The following IARS1 variants were observed in gnomAD, a reference collection of about 807,000 sequenced individuals.
IARS1 encodes the protein isoleucine--tRNA ligase, cytoplasmic.
Under a neutral mutation model 168.2 loss-of-function variants are expected in IARS1, and 124 were observed. The ratio of observed to expected loss-of-function variants is 0.74; its 90% CI spans 0.64 to 0.86. IARS1 has a LOEUF of 0.86. IARS1 is among the 40% of genes least tolerant of loss of function. IARS1 has a pLI of 0.00. For synonymous variants in IARS1, 532 were observed against 529.4 expected, an observed-to-expected ratio of 1.00 and a Z score of -0.07; for missense variants, 1,452 against 1,515.8, an observed-to-expected ratio of 0.96 and a Z score of 0.70.
Position 92,253,309 on chromosome 9 carries a change from T to A in IARS1, c.2229+53A>T, listed in dbSNP as rs751671178. ...CTTCTGGCTATTCTCATATTTCTTC[T>A]ACTTTCAAACTTCATACACTTTTTG... On this transcript the variant is annotated intron_variant, in intron 21 of 33. Coordinates refer to ENST00000443024, the MANE Select transcript of IARS1 (RefSeq NM_002161.6). 2.4e-4 allele frequency: 261 copies of A among 1,103,730 alleles called. 1 individual carries two copies. Among genetic ancestry groups the A allele is most frequent in the South Asian group, 1.4e-4 (11 of 80,066 alleles). 68.4% of individuals were successfully genotyped at this position (1,103,730 alleles called of 1,614,324 possible). A position where few individuals can be genotyped will look rare whatever the true frequency, so the allele number is the denominator to read the frequency against.
chr9:92,290,698 A>G (rs908159231), intron 1 of IARS1, among the ~76,000 whole-genome samples: 2 of 152,180 alleles, frequency 1.3e-5, no homozygotes, highest in Non-Finnish European at 2.9e-5. Context: ...GTACATGGCT[A>G]TTATTTAATA....
chr9:92,212,189 A>G (rs936719146), intron 33 of IARS1, among the ~76,000 whole-genome samples: 1 of 152,206 alleles, frequency 6.6e-6, no homozygotes, highest in Non-Finnish European at 1.5e-5. Flanking sequence ...TGGAGCAAGC[A>G]AGAAGACATC....
intron 33 of IARS1, among the ~76,000 whole-genome samples, chr9:92,214,939 A>C (rs954472374): frequency 4.4e-4 from 67 of 152,284 alleles, no homozygotes; most frequent in African/African-American, 1.2e-3. Context: ...GGAGGCCTGC[A>C]TGCCTCTGTA....
At chr9:92,269,701 T>C (rs1253263969) in intron 13 of IARS1, among the ~76,000 whole-genome samples, 184 bp downstream of exon 13, 1 of 152,246 alleles carries the variant, frequency 6.6e-6, no homozygotes, top group Non-Finnish European at 1.5e-5. Flanking sequence ...ACAAGAAGGA[T>C]GTTACTTCTG....
chr9:92,243,661 T>C (rs866127544), intron 27 of IARS1, among the ~76,000 whole-genome samples: 1 of 152,122 alleles, frequency 6.6e-6, no homozygotes, highest in East Asian at 1.9e-4. Flanking sequence ...AGATCAATAA[T>C]CATGAAGCCC....
intron 30 of IARS1, chr9:92,240,223 C>G (rs1828168176): frequency 6.3e-6 from 1 of 159,976 alleles, no homozygotes; most frequent in South Asian, 1.7e-4. Flanking sequence ...CATGCTTCCA[C>G]AAGCATAAGT....
chr9:92,243,019 C>A, intron 28 of IARS1, 197 bp downstream of exon 28: 1 of 489,014 alleles, frequency 2.0e-6, no homozygotes. Context: ...TGGCTGAAAG[C>A]TACGACTTGG....
chr9:92,222,601 C>T lies in IARS1; in HGVS notation c.3625G>A (p.Gly1209Ser), dbSNP rs1839831078. ...ACCTTGGCTGCTTCATACAGAAGACCTTGGTGGGTGAGTCCATTCTGCCCA... is the reference window on the plus strand; with the variant it reads ...ACCTTGGCTGCTTCATACAGAAGACTTTGGTGGGTGAGTCCATTCTGCCCA... ...PLGQNGLTHQ[G>S]LLYEAAKVFG... Residue 1209 changes from glycine to serine, a missense_variant, in exon 33 of 34, where the codon GGT (glycine) becomes AGT (serine). By Grantham distance (56) the Gly-to-Ser change is moderately conservative (BLOSUM62 0). Coordinates refer to ENST00000443024, the MANE Select transcript of IARS1 (RefSeq NM_002161.6). 2.5e-6 allele frequency: 4 copies of T among 1,613,904 alleles called. No homozygotes were observed. Among genetic ancestry groups the T allele is most frequent in the Non-Finnish European group, 3.4e-6 (4 of 1,180,014 alleles).
chr9:92,222,969 CA>C (rs1484444921), intron 32 of IARS1, among the ~76,000 whole-genome samples: 3 of 151,964 alleles, frequency 2.0e-5, no homozygotes, highest in Non-Finnish European at 4.4e-5. Flanking sequence ...CAAATGTGCA[CA>C]ATGAGGATCC....
intron 30 of IARS1, among the ~76,000 whole-genome samples, chr9:92,238,363 T>A (rs1348253847): frequency 6.6e-6 from 1 of 152,214 alleles, no homozygotes; most frequent in Non-Finnish European, 1.5e-5. Flanking sequence ...CATGAATGGC[T>A]TGGTACCCTT....
intron 27 of IARS1, 82 bp from the exon 28 acceptor site, chr9:92,243,393 C>T: frequency 3.3e-6 from 3 of 898,480 alleles, no homozygotes; most frequent in Non-Finnish European, 5.4e-6. Context: ...TTATTTAAAT[C>T]TGGAGAGTCT....
intron 6 of IARS1, among the ~76,000 whole-genome samples, chr9:92,283,944 G>A (rs1282436837): frequency 1.3e-5 from 2 of 152,190 alleles, no homozygotes; most frequent in Admixed American, 1.3e-4. Context: ...ACTTTGGGAG[G>A]CCAAGGCGGG....
At chr9:92,249,829 A>T in intron 25 of IARS1, 29 bp downstream of exon 25, 2 of 1,171,844 alleles carry the variant, frequency 1.7e-6, no homozygotes, top group Non-Finnish European at 2.5e-6. Context: ...GTCTATCTGT[A>T]CCAAAAACAG....
At chr9:92,260,560 C>T (rs1831378114) in intron 17 of IARS1, among the ~76,000 whole-genome samples, 1 of 152,054 alleles carries the variant, frequency 6.6e-6, no homozygotes, top group Non-Finnish European at 1.5e-5. Context: ...GAGGCTGAGG[C>T]AGGAGAATTG....
intron 26 of IARS1, among the ~76,000 whole-genome samples, chr9:92,246,621 G>A (rs1275163934): frequency 6.6e-6 from 1 of 152,088 alleles, no homozygotes; most frequent in Non-Finnish European, 1.5e-5. Flanking sequence ...CACCATGAAA[G>A]TAAGGACAAA....
chr9:92,265,994 G>C (rs1832239962), intron 14 of IARS1, among the ~76,000 whole-genome samples: 2 of 152,016 alleles, frequency 1.3e-5, no homozygotes, highest in Admixed American at 6.6e-5. Context: ...CACCAATCTG[G>C]GCCGAAGGAT....
chr9:92,234,689 TACA>T (rs1827219902), intron 30 of IARS1, among the ~76,000 whole-genome samples: 1 of 152,328 alleles, frequency 6.6e-6, no homozygotes, highest in African/African-American at 2.4e-5. Context: ...CTCAATGCCA[TACA>T]ACATCACTGA....
intron 33 of IARS1, among the ~76,000 whole-genome samples, chr9:92,220,184 T>C (rs1359419832): frequency 6.1e-5 from 9 of 147,416 alleles, no homozygotes; most frequent in South Asian, 4.4e-4. Flanking sequence ...AACCAAACAC[T>C]GCATATTCTC....
intron 28 of IARS1, 123 bp downstream of exon 28, chr9:92,243,093 T>C (rs965759650): frequency 1.7e-5 from 11 of 663,564 alleles, no homozygotes; most frequent in South Asian, 5.2e-5. Context: ...AAATGGACTA[T>C]GGATTAGTGA....
Sources: gnomAD v4.1 joint callset for allele counts (sites outside exome capture counted in the v4.1 genomes callset) on GRCh38, gnomAD v4.1.1 for gene constraint, MANE v1.5 for transcripts, NCBI Gene and HGNC (gene_info 2026-07-23, HGNC 2026-07-21) for gene names.